CNKSR2: variants seen among roughly 807,000 people sequenced by gnomAD.
CNKSR2 encodes connector enhancer of kinase suppressor of Ras 2.
A neutral mutation model predicts 84.4 loss-of-function variants in CNKSR2; 14 were observed. That is an observed-to-expected ratio of 0.17 (90% confidence interval 0.11 to 0.26). The LOEUF is 0.26. CNKSR2 is among the 10% of genes least tolerant of loss of function. The pLI is 1.00. For synonymous variants in CNKSR2, 275 were observed against 277.9 expected, an observed-to-expected ratio of 0.99 and a Z score of 0.10; for missense variants, 485 against 771.2, an observed-to-expected ratio of 0.63 and a Z score of 4.40.
intron 5 of CNKSR2, among the ~76,000 whole-genome samples, chrX:21,476,341 T>C (rs1374631279): frequency 9.0e-6 from 1 of 111,615 alleles, no homozygotes; most frequent in Non-Finnish European, 1.9e-5. Context: ...GGAGAAAGCA[T>C]GTATCTTCCC....
At chrX:21,649,990 G>A (rs1010832731) in intron 21 of CNKSR2, among the ~76,000 whole-genome samples, 1 of 111,795 alleles carries the variant, frequency 8.9e-6, no homozygotes, top group Non-Finnish European at 1.9e-5. Context: ...GTGTAAATTA[G>A]TTCAACCATT....
intron 18 of CNKSR2, among the ~76,000 whole-genome samples, chrX:21,603,902 G>A: frequency 9.0e-6 from 1 of 111,011 alleles, no homozygotes; most frequent in Non-Finnish European, 1.9e-5. Context: ...TAAAGTAGAA[G>A]TTTTCCTCTT....
At chrX:21,470,689 A>G in intron 4 of CNKSR2, 77 bp from the exon 5 acceptor site, 1 of 500,191 alleles carries the variant, frequency 2.0e-6, no homozygotes, top group South Asian at 3.9e-5. Flanking sequence ...TTAAAATTAT[A>G]GTATAATTTC....
At chrX:21,511,898 A>T (rs766911779) in intron 8 of CNKSR2, among the ~76,000 whole-genome samples, 5 of 110,358 alleles carry the variant, frequency 4.5e-5, no homozygotes, top group African/African-American at 1.6e-4. Flanking sequence ...CACCTGTCCA[A>T]CTCCCAAGGA....
At chrX:21,486,547 C>A (rs1019691946) in intron 5 of CNKSR2, among the ~76,000 whole-genome samples, 4 of 111,759 alleles carry the variant, frequency 3.6e-5, no homozygotes, top group African/African-American at 1.3e-4. Flanking sequence ...CTTCTCACAT[C>A]TGTTAAACTC....
At chrX:21,561,328 A>G (rs1569242679) in intron 11 of CNKSR2, 143 bp from the exon 12 acceptor site, 3 of 509,352 alleles carry the variant, frequency 5.9e-6, no homozygotes, top group Non-Finnish European at 1.0e-5. Context: ...CTCAAAACAC[A>G]TTTTCTCCAT....
intron 9 of CNKSR2, among the ~76,000 whole-genome samples, chrX:21,524,063 C>A (rs1235752720): frequency 9.1e-6 from 1 of 110,035 alleles, no homozygotes; most frequent in Non-Finnish European, 1.9e-5. Context: ...ATATGAGTCT[C>A]AAAAAGAACG....
chrX:21,642,285 T>G, intron 20 of CNKSR2: 16 of 751,639 alleles, frequency 2.1e-5, no homozygotes, highest in Non-Finnish European at 2.4e-5. Flanking sequence ...TATAGAATCT[T>G]CAGCTAAAAT....
chrX:21,528,492 C>T (rs1010211446), intron 10 of CNKSR2, among the ~76,000 whole-genome samples: 5 of 110,856 alleles, frequency 4.5e-5, no homozygotes, highest in African/African-American at 6.5e-5. Context: ...GAAAGTGTCT[C>T]CTCTACAGAA....
chrX:21,469,844 G>T (rs1005618050), intron 4 of CNKSR2, among the ~76,000 whole-genome samples: 7 of 109,690 alleles, frequency 6.4e-5, no homozygotes, highest in Non-Finnish European at 1.3e-4. Context: ...CCCAGGGGGT[G>T]GAGGTTGCAG....
chrX:21,594,738 T>C (rs768611538), intron 15 of CNKSR2: 1 of 249,176 alleles, frequency 4.0e-6, no homozygotes, highest in Non-Finnish European at 7.3e-6. Context: ...CATTTTAATA[T>C]GAAAAAGACT....
At chrX:21,527,846 A>G (rs1219619497) in intron 10 of CNKSR2, among the ~76,000 whole-genome samples, 2 of 111,235 alleles carry the variant, frequency 1.8e-5, no homozygotes. Context: ...AAATAGTATT[A>G]AATTTCTTTC....
chrX:21,467,868 T>G (rs1338588933), intron 4 of CNKSR2, among the ~76,000 whole-genome samples: 1 of 111,098 alleles, frequency 9.0e-6, no homozygotes, highest in African/African-American at 3.3e-5. Flanking sequence ...TGTCATCCTT[T>G]CTGTCACTAA....
intron 2 of CNKSR2, chrX:21,427,993 G>T (rs1210663046): frequency 1.8e-5 from 2 of 112,078 alleles, no homozygotes; most frequent in Middle Eastern, 4.2e-3. Context: ...AAAGAATATG[G>T]AATATTCAGA....
chrX:21,470,046 G>A (rs1243060971), intron 4 of CNKSR2, among the ~76,000 whole-genome samples: 3 of 112,277 alleles, frequency 2.7e-5, no homozygotes, highest in Non-Finnish European at 5.6e-5. Context: ...GTTGCTACCA[G>A]TATGCCCGTT....
At chrX:21,406,462 C>T (rs985121260) in intron 1 of CNKSR2, among the ~76,000 whole-genome samples, 1 of 111,323 alleles carries the variant, frequency 9.0e-6, no homozygotes, top group African/African-American at 3.3e-5. Context: ...ACATCTAATT[C>T]TGTTTTGAGC....
chrX:21,622,227 A>G (rs1379487448), intron 20 of CNKSR2, among the ~76,000 whole-genome samples: 1 of 111,128 alleles, frequency 9.0e-6, no homozygotes, highest in Non-Finnish European at 1.9e-5. Flanking sequence ...TTTCTTTACA[A>G]AAGCTTTGTA....
In CNKSR2 at chrX:21,514,475, T is replaced by C. The variant is rs185923169; in HGVS notation, c.811-2010T>C. 5.3e-3 allele frequency among the ~76,000 whole-genome samples: 596 copies of C among 112,020 alleles called. 4 individuals carry two copies. The highest frequency in any genetic ancestry group is 0.019 in the African/African-American group (579 of 30,985). ...CTTGTCAGAAACCAATTCTACTTTC[T>C]GATAGAAAAGCAATTCTGTTTTTTG... is the stretch of plus-strand genomic sequence containing the variant. On this transcript the variant is annotated intron_variant, in intron 8 of 21. Transcript: ENST00000379510.
chrX:21,513,988 T>C (rs1738087718), intron 8 of CNKSR2, among the ~76,000 whole-genome samples: 1 of 112,276 alleles, frequency 8.9e-6, no homozygotes, highest in Admixed American at 9.5e-5. Flanking sequence ...GAAATAAAAG[T>C]ATAAAGAAGA....
Sources: gnomAD v4.1 joint callset for allele counts (sites outside exome capture counted in the v4.1 genomes callset) on GRCh38, gnomAD v4.1.1 for gene constraint, MANE v1.5 for transcripts, NCBI Gene and HGNC (gene_info 2026-07-23, HGNC 2026-07-21) for gene names.